The following CTU2 variants were observed in gnomAD, a reference collection of about 807,000 sequenced individuals.
The protein encoded by CTU2 is cytoplasmic tRNA 2-thiolation protein 2.
Under a neutral mutation model 64.1 loss-of-function variants are expected in CTU2, and 80 were observed. The ratio of observed to expected loss-of-function variants is 1.25; its 90% confidence interval spans 1.04 to 1.50. CTU2 has a LOEUF of 1.50. CTU2 is among the 40% of genes most tolerant of loss of function. The pLI is 0.00. For synonymous variants in CTU2, 482 were observed against 285.3 expected (o/e 1.69, Z -6.95); for missense variants, 1,110 against 690.2 (o/e 1.61, Z -6.81).
At position 88,710,144 on chromosome 16, in the gene CTU2, A is replaced by G. The variant is rs1296148947; in HGVS notation, c.223-79A>G. On this transcript the variant is annotated intron_variant, in intron 3 of 14. Coordinates refer to ENST00000453996, the MANE Select transcript of CTU2 (RefSeq NM_001012759.3). ...TCCTTGGCCTTTGAGGACAGACTCG[A>G]TGTCCTAGATGTCCACGAGGTGGGG... is the stretch of plus-strand genomic sequence containing the variant. 3 of 1,576,734 alleles carry G rather than the reference A, an allele frequency of 1.9e-6. No individual in the cohort carries two copies. In the Admixed American group the frequency reaches 5.0e-5, roughly 26 times the overall value.
At chr16:88,713,534 A>C in intron 8 of CTU2, 87 bp downstream of exon 8, 1 of 1,437,128 alleles carries the variant, frequency 7.0e-7, no homozygotes, top group East Asian at 2.5e-5. Flanking sequence ...CTCGCGTATC[A>C]GTCCTGCGGC....
At position 88,714,617 on chromosome 16, in the gene CTU2, C is replaced by A; in HGVS notation, c.1232C>A (p.Ser411Tyr). The change falls in exon 12 of 15, where the codon TCC becomes TAC. Residue 411 changes from serine to tyrosine, a missense_variant. Transcript: ENST00000453996. Reference sequence around the variant, plus strand: ...GCCACGGCTTTTGGGGCTCAGACCTCCTCGCGTCTCTCCCAGATGCAGTCA... The same window carrying A: ...GCCACGGCTTTTGGGGCTCAGACCTACTCGCGTCTCTCCCAGATGCAGTCA... ...DSATAFGAQT[S>Y]SRLSQMQSPI... 1 of 1,612,642 alleles carries A rather than the reference C, an allele frequency of 6.2e-7. No homozygotes were observed. Among genetic ancestry groups the A allele is most frequent in the African/African-American group, 1.3e-5 (1 of 75,022 alleles).
At chr16:88,714,082 AGCCTGG>A (rs1437306284) in intron 9 of CTU2, 48 bp from the exon 10 acceptor site, 1 of 1,557,146 alleles carries the variant, frequency 6.4e-7, no homozygotes, top group Non-Finnish European at 8.8e-7. Context: ...ACTCTGCCCC[AGCCTGG>A]GGCTGGCCTC....
rs1349044383 is a variant in CTU2 at position 88,712,681 on chromosome 16, G to A, written c.513G>A (p.Glu171=). ...CTGCCCAGGAGCTGGTGGGATCCGAGGGGGCCTACAAGGCGGCCGTGGACA... is the reference window on the plus strand; with the variant it reads ...CTGCCCAGGAGCTGGTGGGATCCGAAGGGGCCTACAAGGCGGCCGTGGACA... ...WCSAQELVGS[E]GAYKAAVDSF... The change falls in exon 7 of 15, where the codon GAG becomes GAA. Residue 171 remains glutamate (E), a synonymous_variant. Transcript: ENST00000453996. 2.5e-6 allele frequency: 4 copies of A among 1,610,636 alleles called. No homozygotes were observed. Among genetic ancestry groups the A allele is most frequent in the Non-Finnish European group, 2.5e-6 (3 of 1,179,534 alleles).
In CTU2 at chr16:88,706,511, C is replaced by A; in HGVS notation, c.-20C>A. 3.5e-6 allele frequency: 5 copies of A among 1,417,244 alleles called. No homozygotes were observed. Among genetic ancestry groups the A allele is most frequent in the Non-Finnish European group, 3.7e-6 (4 of 1,092,038 alleles). The allele number at this position is 1,417,244 out of a possible 1,614,324, so 87.8% of individuals were successfully genotyped here. ...CTCGCGCTGTCGCCGCCACAGTCTG[C>A]GACGGGACCCGGCGTGCCCATGTGT... On this transcript the variant is annotated 5_prime_UTR_variant, in exon 1 of 15. Coordinates refer to ENST00000453996, the MANE Select transcript of CTU2 (RefSeq NM_001012759.3).
chr16:88,706,698 T>G, intron 1 of CTU2, 100 bp downstream of exon 1: 1 of 905,846 alleles, frequency 1.1e-6, no homozygotes, highest in Non-Finnish European at 1.5e-6. Flanking sequence ...AAGCCCCGCG[T>G]GGAGAGCGGG....
intron 5 of CTU2, chr16:88,711,946 C>T (rs1001248096): frequency 2.3e-5 from 14 of 603,504 alleles, no homozygotes; most frequent in South Asian, 1.2e-4. Context: ...GGGGTGGGAG[C>T]AGGAGTGGCG....
chr16:88,712,465 C>T lies in CTU2; in HGVS notation c.453+82C>T, dbSNP rs1597429133. 4.1e-6 allele frequency: 6 copies of T among 1,451,454 alleles called. No individual in the cohort carries two copies. In the East Asian group the frequency reaches 1.2e-4, roughly 28 times the overall value. The allele number at this position is 1,451,454 out of a possible 1,614,324, so 89.9% of individuals were successfully genotyped here. ...CCGTGTCCCAGCCTCACTGGCCTCT[C>T]CCTCATCCCAGAAGGCGGGGCTGTC... is the stretch of plus-strand genomic sequence containing the variant. On this transcript the variant is annotated intron_variant, in intron 6 of 14. Coordinates refer to ENST00000453996, the MANE Select transcript of CTU2 (RefSeq NM_001012759.3).
chr16:88,715,217 T>G lies in CTU2; in HGVS notation c.1514T>G (p.Ile505Ser), dbSNP rs550331299. Residue 505 changes from isoleucine (I) to serine (S), a missense_variant, in exon 15 of 15, where the codon ATT becomes AGT. Coordinates refer to ENST00000453996, the MANE Select transcript of CTU2 (RefSeq NM_001012759.3). ...WGLQEIRDCLIEDSDDEAGQS is the reference protein window; with the variant it reads ...WGLQEIRDCLSEDSDDEAGQS Reference sequence around the variant, plus strand: ...TTGCAGGAGATCCGGGACTGTCTGATTGAGGACAGTGACGACGAGGCGGGC... The same window carrying G: ...TTGCAGGAGATCCGGGACTGTCTGAGTGAGGACAGTGACGACGAGGCGGGC... The G allele has an allele frequency of 2.5e-6, 4 of 1,612,210 alleles. No homozygotes were observed. The highest frequency in any genetic ancestry group is 3.4e-6 in the Non-Finnish European group (4 of 1,179,888).
chr16:88,712,750 T>C lies in CTU2; in HGVS notation c.582T>C (p.Pro194=). ...ATGTGCTGGGGGCCGGGGGTGGTCCTGGCCCGACTCAAGGGGAGGAACAGC... is the reference window on the plus strand; with the variant it reads ...ATGTGCTGGGGGCCGGGGGTGGTCCCGGCCCGACTCAAGGGGAGGAACAGC... ...QQHVLGAGGG[P]GPTQGEEQPP... The change falls in exon 7 of 15, where the codon CCT becomes CCC. Residue 194 remains proline (P), a synonymous_variant. Transcript: ENST00000453996. 6.2e-7 allele frequency: 1 copy of C among 1,608,624 alleles called. No homozygotes were observed. The highest frequency in any genetic ancestry group is 8.5e-7 in the Non-Finnish European group (1 of 1,178,386).
In CTU2 at chr16:88,709,894, G is replaced by C. The variant is rs529948235; in HGVS notation, c.144-44G>C. The C allele has an allele frequency of 1.7e-5, 27 of 1,558,046 alleles. No individual in the cohort carries two copies. In the Admixed American group the frequency reaches 2.2e-4, roughly 13 times the overall value. ...GCAGCGCCTCAGGACGCTGCTCACT[G>C]TGCGGGTAGCAGGCGGTTCCCTCAT... is the stretch of plus-strand genomic sequence containing the variant. On this transcript the variant is annotated intron_variant, in intron 2 of 14. Transcript: ENST00000453996.
rs1471557333 is a variant in CTU2, at chr16:88,706,552, T to A, written c.22T>A (p.Tyr8Asn). MCQVGED[Y>N]GEPAPEEPPP... ...GCCCATGTGTCAGGTGGGCGAGGAC[T>A]ACGGGGAGCCGGCGCCTGAGGAGCC... Residue 8 changes from tyrosine to asparagine, a missense_variant, in exon 1 of 15, where the codon TAC becomes AAC. Coordinates refer to ENST00000453996, the MANE Select transcript of CTU2 (RefSeq NM_001012759.3). 3 of 1,459,230 alleles carry A rather than the reference T, an allele frequency of 2.1e-6. No homozygotes were observed. In the Admixed American group the frequency reaches 7.8e-5, roughly 38 times the overall value. 90.4% of individuals were successfully genotyped at this position (1,459,230 alleles called of 1,614,324 possible).
chr16:88,713,095 T>C (rs867547152), intron 7 of CTU2, among the ~76,000 whole-genome samples, 190 bp downstream of exon 7: 1 of 10,582 alleles, frequency 9.5e-5, no homozygotes, highest in Non-Finnish European at 2.2e-4. Flanking sequence ...GAGAGCCCCC[T>C]TCCCCGGGCC....
Position 88,710,299 on chromosome 16 carries a change from C to T in CTU2, c.282+17C>T. 1 of 1,613,642 alleles carries T rather than the reference C, an allele frequency of 6.2e-7. No homozygotes were observed. The highest frequency in any genetic ancestry group is 8.5e-7 in the Non-Finnish European group (1 of 1,179,816). The stretch of plus-strand genomic sequence containing the variant: ...GTTCTTGAGGTGCGTGTTCACCACC[C>T]CGTGGGCCCGGGCTGCTGGGCTGAG... On this transcript the variant is annotated intron_variant, in intron 4 of 14. Transcript: ENST00000453996.
rs759338219 is a variant in CTU2, at chr16:88,713,762, C to T, written c.989C>T (p.Pro330Leu). ...RLFSVPSVFT[P>L]AVDTKAPEKA... is the part of the protein sequence containing the mutation. ...TTCTCCGTTCCTTCTGTCTTCACAC[C>T]AGCCGTCGACACCAAGGTGGGCCTT... Residue 330 changes from proline (P) to leucine (L), a missense_variant, in exon 9 of 15, where the codon CCA becomes CTA. Coordinates refer to ENST00000453996, the MANE Select transcript of CTU2 (RefSeq NM_001012759.3). 69 of 1,612,554 alleles carry T rather than the reference C, an allele frequency of 4.3e-5. No homozygotes were observed. Among genetic ancestry groups the T allele is most frequent in the Non-Finnish European group, 5.5e-5 (65 of 1,179,900 alleles).
intron 2 of CTU2, chr16:88,709,704 G>A (rs1266620794): frequency 1.3e-5 from 7 of 551,830 alleles, no homozygotes; most frequent in South Asian, 2.2e-5. Flanking sequence ...CCGTGGCTGT[G>A]CAGTTTGTAC....
Position 88,712,798 on chromosome 16 carries a change from C to T in CTU2, c.630C>T (p.Pro210=), listed in dbSNP as rs771492797. 37 of 1,607,860 alleles carry T rather than the reference C, an allele frequency of 2.3e-5. 1 individual carries two copies. The highest frequency in any genetic ancestry group is 2.5e-5 in the Non-Finnish European group (30 of 1,177,836). The change falls in exon 7 of 15, where the codon CCC becomes CCT. Residue 210 remains proline, a synonymous_variant. Transcript: ENST00000453996. ...EEQPPQPPLD[P]QNLARPPAPA... ...AGCCACCCCAGCCCCCGCTGGACCC[C>T]CAGAACCTGGCAAGACCGCCTGCCC... is the stretch of plus-strand genomic sequence containing the variant.
In CTU2 at chr16:88,706,616, G is replaced by C. The variant is rs939165062; in HGVS notation, c.68+18G>C. Reference sequence around the variant, plus strand: ...CGGCCCAGGTAAGAGCTGGCGGCCGGACCCGCCAGGCCGCCCCTCGCCTTC... The same window carrying C: ...CGGCCCAGGTAAGAGCTGGCGGCCGCACCCGCCAGGCCGCCCCTCGCCTTC... On this transcript the variant is annotated intron_variant, in intron 1 of 14. Transcript: ENST00000453996. 53 of 1,392,868 alleles carry C rather than the reference G, an allele frequency of 3.8e-5. No homozygotes were observed. Among genetic ancestry groups the C allele is most frequent in the Middle Eastern group, 2.6e-4 (1 of 3,868 alleles). 86.3% of individuals were successfully genotyped at this position (1,392,868 alleles called of 1,614,324 possible). A position where few individuals can be genotyped will look rare whatever the true frequency, so the allele number is the denominator to read the frequency against.
At chr16:88,714,820 A>C (rs760946157) in intron 12 of CTU2, 40 bp from the exon 13 acceptor site, 1 of 1,611,186 alleles carries the variant, frequency 6.2e-7, no homozygotes, top group Non-Finnish European at 8.5e-7. Context: ...CACGGCATTG[A>C]GGTGCCAAGG....
Sources: allele counts gnomAD v4.1 joint callset (sites outside exome capture counted in the v4.1 genomes callset), GRCh38; gene constraint gnomAD v4.1.1; transcripts MANE v1.5; gene names NCBI Gene and HGNC (gene_info 2026-07-23, HGNC 2026-07-21).